The following ADAMTSL3 variants were observed in gnomAD, a reference collection of about 807,000 sequenced individuals.
ADAMTSL3 encodes the protein ADAMTS-like protein 3.
In ADAMTSL3, 128 loss-of-function variants were observed where a neutral mutation model predicts 201.7. The observed-to-expected ratio is 0.63, with a 90% CI of 0.55 to 0.73. ADAMTSL3 has a LOEUF of 0.73. Among genes scored for constraint, ADAMTSL3 ranks in the 30% least tolerant of loss-of-function variants. The probability of loss-of-function intolerance (pLI) is 0.00; values close to 1 mark genes in which losing one functional copy is unlikely to be tolerated. For synonymous variants in ADAMTSL3, 738 were observed against 748.4 expected (o/e 0.99, Z 0.23); for missense variants, 1,990 against 2,119.6 (o/e 0.94, Z 1.20).
chr15:83,990,968 A>G, intron 22 of ADAMTSL3, 118 bp from the exon 23 acceptor site: 1 of 1,436,540 alleles, frequency 7.0e-7, no homozygotes, highest in East Asian at 2.3e-5. Context: ...GGATACAGAG[A>G]GAACCAGGAC....
chr15:83,922,538 A>G (rs2066166538), intron 16 of ADAMTSL3, among the ~76,000 whole-genome samples: 1 of 152,242 alleles, frequency 6.6e-6, no homozygotes, highest in Non-Finnish European at 1.5e-5. Context: ...CTACAAGGTA[A>G]CTACGTTTTG....
At chr15:83,788,302 A>G (rs889215724) in intron 4 of ADAMTSL3, among the ~76,000 whole-genome samples, 1 of 152,186 alleles carries the variant, frequency 6.6e-6, no homozygotes, top group African/African-American at 2.4e-5. Context: ...GAAATTCAGG[A>G]GGCATCTTGG....
At position 84,027,595 on chromosome 15, in the gene ADAMTSL3, G is replaced by C. The variant is rs187995327; in HGVS notation, c.4656+2159G>C. ...CGTGGTGGCGGGTGCCTGTAGTCCC[G>C]GCTACTTGGGAGGCTGAGGCAGGAG... On this transcript the variant is annotated intron_variant, in intron 27 of 29. Coordinates refer to ENST00000286744, the MANE Select transcript of ADAMTSL3 (RefSeq NM_207517.3). Among the ~76,000 whole-genome samples, 880 of 151,800 alleles carry C rather than the reference G, an allele frequency of 5.8e-3. 7 individuals carry two copies. Among genetic ancestry groups the C allele is most frequent in the African/African-American group, 0.019 (807 of 41,428 alleles).
At chr15:83,888,619 A>G (rs2063033668) in intron 10 of ADAMTSL3, among the ~76,000 whole-genome samples, 1 of 152,150 alleles carries the variant, frequency 6.6e-6, no homozygotes, top group South Asian at 2.1e-4. Context: ...ACTTGAATGG[A>G]CTTTCCTAGT....
intron 9 of ADAMTSL3, among the ~76,000 whole-genome samples, chr15:83,879,039 C>T (rs7175716): frequency 6.6e-6 from 1 of 152,114 alleles, no homozygotes; most frequent in Non-Finnish European, 1.5e-5. Flanking sequence ...TTTTAAAAAG[C>T]TATTGGCATA....
At chr15:83,765,466 A>G (rs551685388) in intron 3 of ADAMTSL3, among the ~76,000 whole-genome samples, 8 of 152,276 alleles carry the variant, frequency 5.3e-5, no homozygotes, top group African/African-American at 1.2e-4. Flanking sequence ...AAGTGACCTT[A>G]TATGTGAAAT....
chr15:83,744,817 T>C (rs1415017454), intron 3 of ADAMTSL3, among the ~76,000 whole-genome samples: 5 of 152,234 alleles, frequency 3.3e-5, no homozygotes, highest in Non-Finnish European at 7.3e-5. Context: ...TGGGGTGTCT[T>C]ACATATGCCT....
At chr15:83,990,379 G>T (rs1335407920) in intron 22 of ADAMTSL3, among the ~76,000 whole-genome samples, 1 of 152,134 alleles carries the variant, frequency 6.6e-6, no homozygotes, top group African/African-American at 2.4e-5. Context: ...CATTTATATT[G>T]AAAATGCCTG....
chr15:83,941,941 A>G (rs1053728347), intron 17 of ADAMTSL3, among the ~76,000 whole-genome samples: 2 of 152,180 alleles, frequency 1.3e-5, no homozygotes, highest in African/African-American at 2.4e-5. Flanking sequence ...ATATTCTCCA[A>G]TGTGGTTAGG....
At chr15:83,863,770 A>G (rs1218980306) in intron 8 of ADAMTSL3, among the ~76,000 whole-genome samples, 1 of 152,240 alleles carries the variant, frequency 6.6e-6, no homozygotes, top group East Asian at 1.9e-4. Context: ...AGATCAGAGC[A>G]GAACTGAAGG....
At chr15:83,867,453 C>A (rs190299862) in intron 8 of ADAMTSL3, among the ~76,000 whole-genome samples, 1 of 152,272 alleles carries the variant, frequency 6.6e-6, no homozygotes, top group Non-Finnish European at 1.5e-5. Flanking sequence ...AAAACCTTAG[C>A]ATTAAATGTG....
chr15:84,000,059 CAA>C (rs1034311967), intron 23 of ADAMTSL3, among the ~76,000 whole-genome samples: 14 of 134,548 alleles, frequency 1.0e-4, no homozygotes, highest in Non-Finnish European at 1.3e-4. Flanking sequence ...TCCCTTTGGC[CAA>C]AAAAAAAAAA....
chr15:83,783,432 G>T (rs570705476), intron 4 of ADAMTSL3, among the ~76,000 whole-genome samples: 1 of 151,982 alleles, frequency 6.6e-6, no homozygotes, highest in Non-Finnish European at 1.5e-5. Context: ...AGATGTAAAT[G>T]GACTAATTAC....
intron 3 of ADAMTSL3, among the ~76,000 whole-genome samples, chr15:83,750,633 C>G (rs993113453): frequency 6.6e-6 from 1 of 152,044 alleles, no homozygotes; most frequent in Non-Finnish European, 1.5e-5. Context: ...CTCACTGCAA[C>G]CTCCGCCTCC....
chr15:83,896,470 G>T (rs1169413917), intron 13 of ADAMTSL3, among the ~76,000 whole-genome samples: 1 of 152,074 alleles, frequency 6.6e-6, no homozygotes, highest in Non-Finnish European at 1.5e-5. Context: ...TGTGAACTCT[G>T]GACTTGATAA....
chr15:83,693,510 C>G (rs956658636), intron 2 of ADAMTSL3, among the ~76,000 whole-genome samples: 4 of 152,040 alleles, frequency 2.6e-5, no homozygotes, highest in African/African-American at 9.7e-5. Context: ...AGCCAGGTTC[C>G]TAGAGAGTAT....
Position 84,021,476 on chromosome 15 carries a change from T to G in ADAMTSL3, c.4340T>G (p.Ile1447Ser). The change falls in exon 26 of 30, where the codon ATT becomes AGT. Residue 1447 changes from isoleucine (I) to serine (S), a missense_variant. Transcript: ENST00000286744. The part of the protein sequence containing the change: ...SATCGHLGAR[I>S]QRPQCVMANG... ...ACCTGTGGTCATTTGGGAGCCCGCA[T>G]TCAGAGACCCCAGTGTGTGATGGCC... The G allele has an allele frequency of 6.2e-7, 1 of 1,614,150 alleles. No homozygotes were observed. The highest frequency in any genetic ancestry group is 8.5e-7 in the Non-Finnish European group (1 of 1,180,026).
At chr15:83,752,326 C>T (rs927308836) in intron 3 of ADAMTSL3, among the ~76,000 whole-genome samples, 3 of 151,850 alleles carry the variant, frequency 2.0e-5, no homozygotes, top group African/African-American at 7.3e-5. Context: ...TAAATTTATT[C>T]TCTATGGTGA....
chr15:83,676,550 C>T (rs1346488785), intron 2 of ADAMTSL3, among the ~76,000 whole-genome samples: 5 of 151,994 alleles, frequency 3.3e-5, no homozygotes, highest in East Asian at 1.9e-4. Context: ...TGGTGGTGGG[C>T]GCCTGTAGTC....
Sources: allele counts gnomAD v4.1 joint callset (sites outside exome capture counted in the v4.1 genomes callset), GRCh38; gene constraint gnomAD v4.1.1; transcripts MANE v1.5; gene names NCBI Gene and HGNC (gene_info 2026-07-23, HGNC 2026-07-21).